Variants in ANK1 observed in about 807,000 individuals in gnomAD.
ANK1 encodes ankyrin 1.
A neutral mutation model predicts 210.4 loss-of-function variants in ANK1; 51 were observed. The observed-to-expected ratio is 0.24, with a 90% CI of 0.19 to 0.31. The LOEUF (loss-of-function observed/expected upper bound fraction) is 0.31. Among genes scored for constraint, ANK1 ranks in the 10% least tolerant of loss-of-function variants. The pLI is 1.00. For missense variants in ANK1, 2,051 were observed against 2,504.4 expected, an observed-to-expected ratio of 0.82 and a Z score of 3.86; for synonymous variants, 967 against 1,025.9, an observed-to-expected ratio of 0.94 and a Z score of 1.10.
At chr8:41,784,164 A>G (rs967913122) in intron 1 of ANK1, among the ~76,000 whole-genome samples, 3 of 152,064 alleles carry the variant, frequency 2.0e-5, no homozygotes, top group Non-Finnish European at 4.4e-5. Flanking sequence ...TTTCCCCCAC[A>G]TAACACACTT....
chr8:41,676,144 GGTATAT>G (rs1814085084), intron 37 of ANK1, among the ~76,000 whole-genome samples: 1 of 152,148 alleles, frequency 6.6e-6, no homozygotes, highest in Non-Finnish European at 1.5e-5. Flanking sequence ...TTGTACAGTA[GGTATAT>G]GTTTAACTTT....
chr8:41,661,935 G>T lies in ANK1; in HGVS notation c.5485C>A (p.Arg1829Ser), dbSNP rs751690725. The T allele has an allele frequency of 6.2e-7, 1 of 1,613,750 alleles. No individual in the cohort carries two copies. The highest frequency in any genetic ancestry group is 1.3e-5 in the African/African-American group (1 of 74,898). Residue 1829 changes from arginine to serine, a missense_variant, in exon 41 of 43, where the codon CGC (arginine) becomes AGC (serine). Arg to Ser is a moderately radical substitution (Grantham distance 110, BLOSUM62 -1). Around this residue, in one of 6 missense-constraint regions of ANK1, gnomAD observed 496 missense variants for 533.4 expected, o/e 0.93. Transcript: ENST00000289734. Reference sequence around the variant, plus strand: ...AAGTCTATCTGTCGAACCACCTTGCGAATGATCTAGGAAAGGAAGGGAAGG... The same window carrying T: ...AAGTCTATCTGTCGAACCACCTTGCTAATGATCTAGGAAAGGAAGGGAAGG... Reference protein sequence around the residue: ...QGNIVTKKIIRKVVRQIDLSS... With the variant: ...QGNIVTKKIISKVVRQIDLSS...
chr8:41,696,276 T>C, intron 26 of ANK1, 87 bp downstream of exon 26: 1 of 1,461,930 alleles, frequency 6.8e-7, no homozygotes, highest in Non-Finnish European at 9.5e-7. Context: ...GGCACCCAGT[T>C]CTGTTTCCCC....
intron 1 of ANK1, among the ~76,000 whole-genome samples, chr8:41,773,243 A>C (rs563628008): frequency 5.8e-4 from 89 of 152,138 alleles, no homozygotes; most frequent in South Asian, 1.9e-3. Flanking sequence ...CTATTTAGGG[A>C]GGTGATCAGA....
At chr8:41,684,146 C>T (rs769145716) in intron 37 of ANK1, among the ~76,000 whole-genome samples, 1 of 152,254 alleles carries the variant, frequency 6.6e-6, no homozygotes, top group Non-Finnish European at 1.5e-5. Flanking sequence ...GATGGGGACA[C>T]TGACACCCCA....
At position 41,692,779 on chromosome 8, in the gene ANK1, C is replaced by T. The variant is rs201129527; in HGVS notation, c.3727G>A (p.Val1243Ile). 86 of 1,613,918 alleles carry T rather than the reference C, an allele frequency of 5.3e-5. No homozygotes were observed. The African/African-American group carries it at 6.9e-4, about 13-fold the overall frequency. Residue 1243 changes from valine to isoleucine, a missense_variant, in exon 31 of 43, where the codon GTC becomes ATC. Val to Ile is a conservative substitution (Grantham distance 29). Transcript: ENST00000289734. ...LTAVPYMAKF[V>I]IFAKMNDPRE... Reference sequence around the variant, plus strand: ...GGGTCATTCATCTTGGCAAAGATGACGAATTTGGCCATGTAGGGCACTGCA... The same window carrying T: ...GGGTCATTCATCTTGGCAAAGATGATGAATTTGGCCATGTAGGGCACTGCA...
At chr8:41,832,648 T>G (rs546595393) in intron 1 of ANK1, among the ~76,000 whole-genome samples, 84 of 152,318 alleles carry the variant, frequency 5.5e-4, no homozygotes, top group African/African-American at 1.9e-3. Flanking sequence ...AGGCAGACAC[T>G]GGGAGTGACC....
intron 1 of ANK1, among the ~76,000 whole-genome samples, chr8:41,804,295 C>A (rs934582442): frequency 1.3e-5 from 2 of 152,094 alleles, no homozygotes; most frequent in African/African-American, 2.4e-5. Context: ...CCAGGGTGAC[C>A]CAAGAGAGAA....
rs1818980132 is a variant in ANK1 at position 41,690,492 on chromosome 8, A to G, written c.3966T>C (p.Arg1322=). The change falls in exon 32 of 43, where the codon CGT becomes CGC. Residue 1322 remains arginine (R), a synonymous_variant. Transcript: ENST00000289734. ...CCGGCACCTTTACAGGCATGGCCAG[A>G]CGGTTCTCCCGAAATGACTGGAAGT... ...SFHFQSFREN[R]LAMPVKVRDS... is the part of the protein sequence containing the mutation. 1 of 1,614,188 alleles carries G rather than the reference A, an allele frequency of 6.2e-7. No homozygotes were observed.
chr8:41,885,968 G>T (rs1418469566), intron 1 of ANK1, among the ~76,000 whole-genome samples: 1 of 152,126 alleles, frequency 6.6e-6, no homozygotes, highest in Non-Finnish European at 1.5e-5. Context: ...CTTGGCATTT[G>T]ACCTGATGGC....
chr8:41,665,230 C>T (rs982726417), intron 39 of ANK1: 83 of 1,519,088 alleles, frequency 5.5e-5, no homozygotes, highest in African/African-American at 3.4e-4. Context: ...TGAAGCAGCC[C>T]GGCCCAAGTG....
At chr8:41,877,879 G>A (rs1348532566) in intron 1 of ANK1, among the ~76,000 whole-genome samples, 1 of 152,196 alleles carries the variant, frequency 6.6e-6, no homozygotes, top group African/African-American at 2.4e-5. Flanking sequence ...CAGAAGCCAG[G>A]TAGACGTGCC....
At chr8:41,735,914 C>T (rs886771070) in intron 2 of ANK1, among the ~76,000 whole-genome samples, 1 of 151,952 alleles carries the variant, frequency 6.6e-6, no homozygotes, top group Non-Finnish European at 1.5e-5. Context: ...GGCAGCCCTG[C>T]ACCCTTGCCT....
At chr8:41,812,046 G>A (rs1419288546) in intron 1 of ANK1, among the ~76,000 whole-genome samples, 1 of 152,196 alleles carries the variant, frequency 6.6e-6, no homozygotes, top group Non-Finnish European at 1.5e-5. Context: ...ACATGGCCAG[G>A]GATGGGGCCC....
intron 1 of ANK1, among the ~76,000 whole-genome samples, chr8:41,810,591 C>G (rs1465662798): frequency 1.3e-5 from 2 of 152,260 alleles, no homozygotes; most frequent in Admixed American, 1.3e-4. Context: ...TCGGGCCACA[C>G]AGGAGCAGAG....
chr8:41,750,134 G>A (rs1370592874), intron 2 of ANK1, among the ~76,000 whole-genome samples: 2 of 152,248 alleles, frequency 1.3e-5, no homozygotes, highest in Non-Finnish European at 2.9e-5. Flanking sequence ...TTTGGCTGCT[G>A]TAGAAAGTAC....
intron 1 of ANK1, among the ~76,000 whole-genome samples, chr8:41,816,515 T>C (rs994972937): frequency 5.3e-5 from 8 of 152,176 alleles, no homozygotes; most frequent in Admixed American, 4.6e-4. Flanking sequence ...CATAGCTCAC[T>C]ACAACCTCGA....
chr8:41,881,714 C>A (rs868441200), intron 1 of ANK1, among the ~76,000 whole-genome samples: 14 of 152,170 alleles, frequency 9.2e-5, no homozygotes, highest in Non-Finnish European at 1.3e-4. Flanking sequence ...TAAAATCAGG[C>A]GGCTGGGACA....
intron 16 of ANK1, among the ~76,000 whole-genome samples, chr8:41,712,015 C>T (rs1826280691): frequency 1.3e-5 from 2 of 152,000 alleles, no homozygotes; most frequent in Admixed American, 1.3e-4. Flanking sequence ...ATCTCTGCCT[C>T]CCGGGTTCAA....
Sources: allele counts gnomAD v4.1 joint callset (sites outside exome capture counted in the v4.1 genomes callset), GRCh38; gene constraint gnomAD v4.1.1; regional missense constraint gnomAD v4.1.1; transcripts MANE v1.5; gene names NCBI Gene and HGNC (gene_info 2026-07-23, HGNC 2026-07-21).